RAF1: variants seen among roughly 807,000 people sequenced by gnomAD.
RAF1 encodes Raf-1 proto-oncogene, serine/threonine kinase.
In RAF1, 27 loss-of-function variants were observed where a neutral mutation model predicts 81.1. The ratio of observed to expected loss-of-function variants is 0.33; its 90% CI spans 0.25 to 0.46. RAF1 has a LOEUF of 0.46. Among genes scored for constraint, RAF1 ranks in the 20% least tolerant of loss-of-function variants. The pLI, the probability that RAF1 is intolerant of heterozygous loss-of-function variation, is 1.00. For synonymous variants in RAF1, 298 were observed against 294.0 expected (o/e 1.01, Z -0.14); for missense variants, 598 against 826.0 (o/e 0.72, Z 3.38).
intron 2 of RAF1, among the ~76,000 whole-genome samples, chr3:12,612,579 G>A (rs750865378): frequency 6.6e-6 from 1 of 151,682 alleles, no homozygotes; most frequent in African/African-American, 2.4e-5. Context: ...AACCCAGGAG[G>A]GAGAGGTTGC....
chr3:12,657,171 A>G (rs1426039320), intron 1 of RAF1, among the ~76,000 whole-genome samples: 1 of 152,164 alleles, frequency 6.6e-6, no homozygotes, highest in Non-Finnish European at 1.5e-5. Flanking sequence ...TACTATTACT[A>G]TGAGAAAGCC....
At chr3:12,647,280 A>C (rs1332588503) in intron 1 of RAF1, among the ~76,000 whole-genome samples, 2 of 134,128 alleles carry the variant, frequency 1.5e-5, no homozygotes, top group Non-Finnish European at 3.1e-5. Flanking sequence ...TGGGCGACAG[A>C]GCGAGACTCC....
At chr3:12,628,294 A>G (rs1201838734) in intron 1 of RAF1, among the ~76,000 whole-genome samples, 1 of 152,090 alleles carries the variant, frequency 6.6e-6, no homozygotes, top group Non-Finnish European at 1.5e-5. Context: ...ACTTTGGGAG[A>G]CCAAGGTAGG....
chr3:12,595,236 C>T (rs1484718386), intron 11 of RAF1, among the ~76,000 whole-genome samples: 1 of 152,048 alleles, frequency 6.6e-6, no homozygotes, highest in Non-Finnish European at 1.5e-5. Context: ...CCACGCCCAC[C>T]TAATTTTTAA....
At chr3:12,655,736 G>C (rs2060670234) in intron 1 of RAF1, among the ~76,000 whole-genome samples, 1 of 152,016 alleles carries the variant, frequency 6.6e-6, no homozygotes, top group African/African-American at 2.4e-5. Flanking sequence ...ATATTATTCA[G>C]CCATAAAAAG....
chr3:12,623,420 C>T (rs1441259813), intron 1 of RAF1, among the ~76,000 whole-genome samples: 3 of 152,310 alleles, frequency 2.0e-5, no homozygotes, highest in East Asian at 3.9e-4. Context: ...AATACACCTA[C>T]TTTATTTAAT....
intron 13 of RAF1, 23 bp downstream of exon 12, chr3:12,590,775 G>A: frequency 6.2e-7 from 1 of 1,600,772 alleles, no homozygotes; most frequent in Non-Finnish European, 8.6e-7. Context: ...GGGTCCCAGA[G>A]AGGCATCAGA....
intron 1 of RAF1, among the ~76,000 whole-genome samples, chr3:12,663,418 T>C (rs967319066): frequency 6.6e-6 from 1 of 152,144 alleles, no homozygotes; most frequent in Non-Finnish European, 1.5e-5. Flanking sequence ...TGAAGTACCC[T>C]GAGAAAGGGT....
At chr3:12,620,977 GAAGT>G (rs1015852360) in intron 1 of RAF1, among the ~76,000 whole-genome samples, 8 of 151,844 alleles carry the variant, frequency 5.3e-5, no homozygotes, top group African/African-American at 7.3e-5. Context: ...AAACCATGCA[GAAGT>G]AAGGGGGGTA....
intron 1 of RAF1, among the ~76,000 whole-genome samples, chr3:12,624,885 CAAAAAAA>C (rs11298876): frequency 1.2e-4 from 13 of 111,716 alleles, no homozygotes; most frequent in East Asian, 6.7e-4. Context: ...GACTCCAACT[CAAAAAAA>C]AAAAAAAAAA....
intron 1 of RAF1, among the ~76,000 whole-genome samples, chr3:12,644,213 C>T (rs1164788573): frequency 6.6e-6 from 1 of 152,170 alleles, no homozygotes; most frequent in Non-Finnish European, 1.5e-5. Flanking sequence ...TAAAAACTTA[C>T]TACCTGTACT....
At chr3:12,595,710 ATGCCACTT>A (rs2058666677) in intron 11 of RAF1, among the ~76,000 whole-genome samples, 1 of 151,920 alleles carries the variant, frequency 6.6e-6, no homozygotes, top group South Asian at 2.1e-4. Flanking sequence ...CTCCATGCAA[ATGCCACTT>A]TCTTGGCAGA....
At chr3:12,659,339 A>G (rs1199145149) in intron 1 of RAF1, among the ~76,000 whole-genome samples, 1 of 146,320 alleles carries the variant, frequency 6.8e-6, no homozygotes, top group Middle Eastern at 3.4e-3. Context: ...GAGGCATGAG[A>G]ATCCCTTGAA....
intron 1 of RAF1, among the ~76,000 whole-genome samples, chr3:12,654,159 T>C (rs909911290): frequency 7.3e-5 from 4 of 54,512 alleles, no homozygotes; most frequent in African/African-American, 5.7e-4. Flanking sequence ...CCTGACTAGT[T>C]TTTTTGGTTT....
chr3:12,583,760 C>G lies in RAF1; in HGVS notation c.*754G>C, dbSNP rs1390634225. On this transcript the variant is annotated 3_prime_UTR_variant, in exon 18 of 18. Coordinates refer to ENST00000442415, the MANE Select transcript of RAF1 (RefSeq NM_001354689.3). Reference sequence around the variant, plus strand: ...TATACACATGATGTGACTAGAGAAACAAGGCTGTTTGTTTGTTTGTTTGTT... The same window carrying G: ...TATACACATGATGTGACTAGAGAAAGAAGGCTGTTTGTTTGTTTGTTTGTT... The G allele has an allele frequency of 4.3e-6, 1 of 232,408 alleles. No homozygotes were observed. The highest frequency in any genetic ancestry group is 2.2e-5 in the African/African-American group (1 of 44,974). The allele number at this position is 232,408 out of a possible 1,614,324, so 14.4% of individuals were successfully genotyped here.
Position 12,587,962 on chromosome 3 carries a change from C to CTTT in RAF1, c.1431-328_1431-326dup, listed in dbSNP as rs33981119. On this transcript the variant is annotated intron_variant, in intron 13 of 17. Coordinates refer to ENST00000442415, the MANE Select transcript of RAF1 (RefSeq NM_001354689.3). ...CCACAGGCATGTGCCACCATGCCGC[C>CTTT]TTTTTTTTTTTTTTTTTTTTTTTGG... The CTTT allele has an allele frequency of 8.3e-4, 52 of 62,716 alleles. 2 individuals carry two copies. Among genetic ancestry groups the CTTT allele is most frequent in the South Asian group, 4.3e-3 (8 of 1,864 alleles). The allele number at this position is 62,716 out of a possible 1,614,324, so 3.9% of individuals were successfully genotyped here. A position where few individuals can be genotyped will look rare whatever the true frequency, so the allele number is the denominator to read the frequency against.
At chr3:12,643,149 A>G (rs540509231) in intron 1 of RAF1, among the ~76,000 whole-genome samples, 6 of 152,274 alleles carry the variant, frequency 3.9e-5, no homozygotes, top group African/African-American at 1.4e-4. Context: ...CAGGCAACAA[A>G]TCAAATGTCA....
intron 11 of RAF1, among the ~76,000 whole-genome samples, chr3:12,593,360 C>T (rs542757804): frequency 2.6e-5 from 4 of 152,116 alleles, no homozygotes; most frequent in Non-Finnish European, 4.4e-5. Context: ...GGATTACAAG[C>T]GTAAGCCACC....
intron 1 of RAF1, among the ~76,000 whole-genome samples, chr3:12,621,563 C>T (rs949227850): frequency 5.3e-5 from 8 of 152,218 alleles, no homozygotes; most frequent in Non-Finnish European, 7.4e-5. Context: ...GGAAAGAATA[C>T]GGTAATATCT....
Sources: gnomAD v4.1 joint callset for allele counts (sites outside exome capture counted in the v4.1 genomes callset) on GRCh38, gnomAD v4.1.1 for gene constraint, MANE v1.5 for transcripts, NCBI Gene and HGNC (gene_info 2026-07-23, HGNC 2026-07-21) for gene names.